Variants in SYN3 observed in about 807,000 individuals in gnomAD.
The protein encoded by SYN3 is synapsin-3.
SYN3 carries 35 observed loss-of-function variants against 65.8 expected under a neutral mutation model. That is an observed-to-expected ratio of 0.53 (90% confidence interval 0.41 to 0.70). The LOEUF (loss-of-function observed/expected upper bound fraction) is 0.70, where lower values mean the gene tolerates loss of function less well. Ranked by LOEUF, SYN3 falls within the 30% of genes least tolerant of loss-of-function variation. SYN3 has a pLI of 0.00. For missense variants in SYN3, 680 were observed against 749.0 expected (o/e 0.91, Z 1.08); for synonymous variants, 270 against 292.9 (o/e 0.92, Z 0.80).
chr22:32,938,705 T>C (rs2050847544), intron 3 of SYN3, among the ~76,000 whole-genome samples: 1 of 152,104 alleles, frequency 6.6e-6, no homozygotes, highest in African/African-American at 2.4e-5. Flanking sequence ...GACGGGTGGA[T>C]AACCTGAGGT....
chr22:32,854,907 A>C (rs750367338), intron 6 of SYN3, among the ~76,000 whole-genome samples: 1 of 152,200 alleles, frequency 6.6e-6, no homozygotes, highest in Non-Finnish European at 1.5e-5. Flanking sequence ...AAGTTATGCT[A>C]TGAAGGTCTT....
intron 4 of SYN3, among the ~76,000 whole-genome samples, chr22:32,914,809 G>A (rs2050147231): frequency 6.6e-6 from 1 of 152,112 alleles, no homozygotes; most frequent in South Asian, 2.1e-4. Context: ...CACATTATAT[G>A]GCAAATAGTA....
chr22:32,619,632 T>C (rs73881767), intron 6 of SYN3, among the ~76,000 whole-genome samples: 1,606 of 152,346 alleles, frequency 0.011, 26 homozygotes, highest in African/African-American at 0.037. Context: ...ATTGCACTGA[T>C]AGTATCAATT....
At chr22:32,576,560 T>C (rs889651831) in intron 7 of SYN3, among the ~76,000 whole-genome samples, 4 of 152,190 alleles carry the variant, frequency 2.6e-5, no homozygotes, top group Admixed American at 6.5e-5. Context: ...GAACCCATTC[T>C]CTTTCCCCTT....
At chr22:33,051,606 G>T (rs2054167954) in intron 1 of SYN3, among the ~76,000 whole-genome samples, 1 of 151,852 alleles carries the variant, frequency 6.6e-6, no homozygotes, top group African/African-American at 2.4e-5. Context: ...AATACAAAAA[G>T]AATTCCTCTC....
chr22:32,882,294 C>A (rs2049163686), intron 4 of SYN3, among the ~76,000 whole-genome samples: 1 of 152,176 alleles, frequency 6.6e-6, no homozygotes, highest in Admixed American at 6.5e-5. Flanking sequence ...CTAACATGGA[C>A]TTTCCCACTC....
chr22:32,613,686 G>A (rs1555909028), intron 6 of SYN3, among the ~76,000 whole-genome samples: 1 of 152,218 alleles, frequency 6.6e-6, no homozygotes, highest in Non-Finnish European at 1.5e-5. Context: ...CGAGAGCTCT[G>A]TAAACGTCAG....
intron 2 of SYN3, among the ~76,000 whole-genome samples, chr22:32,994,306 AG>A (rs1287439193): frequency 1.3e-5 from 2 of 152,022 alleles, no homozygotes; most frequent in Non-Finnish European, 2.9e-5. Flanking sequence ...CAGGACTGCG[AG>A]GGGGTAGGGA....
At chr22:32,716,910 C>T (rs1043826595) in intron 6 of SYN3, among the ~76,000 whole-genome samples, 1 of 152,020 alleles carries the variant, frequency 6.6e-6, no homozygotes, top group Admixed American at 6.5e-5. Flanking sequence ...GCATGAAATA[C>T]AGGACACTCA....
rs2046561657 is a variant in SYN3 at position 32,801,152 on chromosome 22, T to C, written c.711+63763A>G. On this transcript the variant is annotated intron_variant, in intron 6 of 13. Transcript: ENST00000358763. The surrounding 1 kb of genome is among the most constrained non-coding windows in gnomAD (Gnocchi z 4.7). The stretch of plus-strand genomic sequence containing the variant: ...GCTGCAAACAGCAGATGGCTTCCCA[T>C]ATCCCAGAGAGTAAGAACCAGAGAG... Among the ~76,000 whole-genome samples, 1 of 152,166 alleles carries C rather than the reference T, an allele frequency of 6.6e-6. No individual in the cohort carries two copies. The highest frequency in any genetic ancestry group is 2.4e-5 in the African/African-American group (1 of 41,442).
At chr22:32,587,301 A>C (rs1190961190) in intron 7 of SYN3, among the ~76,000 whole-genome samples, 4 of 145,046 alleles carry the variant, frequency 2.8e-5, no homozygotes, top group Non-Finnish European at 6.0e-5. Context: ...AGTGGCAGGT[A>C]GGTGAGAGAG....
intron 1 of SYN3, among the ~76,000 whole-genome samples, chr22:33,036,791 A>C (rs528817323): frequency 2.1e-5 from 3 of 145,608 alleles, no homozygotes; most frequent in African/African-American, 7.7e-5. Flanking sequence ...TCCCAGGTTC[A>C]ATTGATTCTC....
chr22:32,690,483 C>G (rs62234577), intron 6 of SYN3, among the ~76,000 whole-genome samples: 1 of 152,196 alleles, frequency 6.6e-6, no homozygotes, highest in Admixed American at 6.5e-5. Flanking sequence ...TCCTGAGGCT[C>G]GGATGGACCT....
chr22:32,768,443 G>C (rs2045683139), intron 6 of SYN3, among the ~76,000 whole-genome samples: 1 of 152,030 alleles, frequency 6.6e-6, no homozygotes, highest in South Asian at 2.1e-4. Flanking sequence ...TTTCCTGGGA[G>C]ACCTCACCTA....
At chr22:32,791,522 C>G (rs1054971438) in intron 6 of SYN3, among the ~76,000 whole-genome samples, 6 of 151,776 alleles carry the variant, frequency 4.0e-5, no homozygotes, top group Non-Finnish European at 7.4e-5. Flanking sequence ...TACAGGCATT[C>G]TGGGAAGAAA....
At chr22:32,641,967 C>T (rs546374647) in intron 6 of SYN3, among the ~76,000 whole-genome samples, 3 of 152,248 alleles carry the variant, frequency 2.0e-5, no homozygotes, top group Admixed American at 2.0e-4. Context: ...AGCATTTCCT[C>T]TGGCAATCCT....
chr22:32,858,212 ACTGG>A, intron 6 of SYN3: 1 of 1,593,284 alleles, frequency 6.3e-7, no homozygotes, highest in Admixed American at 1.7e-5. Context: ...CTCCCAATGC[ACTGG>A]GTGCCAGGCC....
chr22:32,723,782 C>G (rs1052087870), intron 6 of SYN3, among the ~76,000 whole-genome samples: 6 of 152,234 alleles, frequency 3.9e-5, no homozygotes, highest in Admixed American at 1.3e-4. Context: ...TAAGTAGAAA[C>G]CACAGAAACA....
At chr22:32,858,241 G>T (rs1432157617) in intron 6 of SYN3, 2 of 1,530,156 alleles carry the variant, frequency 1.3e-6, no homozygotes, top group African/African-American at 2.7e-5. Flanking sequence ...GCTGGGAAGG[G>T]TATGCATGTG....
Sources: allele counts gnomAD v4.1 joint callset (sites outside exome capture counted in the v4.1 genomes callset), GRCh38; gene constraint gnomAD v4.1.1; non-coding constraint Gnocchi (gnomAD v3.1); transcripts MANE v1.5; gene names NCBI Gene and HGNC (gene_info 2026-07-23, HGNC 2026-07-21).